FBXO34: variants seen among roughly 807,000 people sequenced by gnomAD.
The protein encoded by FBXO34 is F-box only protein 34.
In FBXO34, 12 loss-of-function variants were observed where a neutral mutation model predicts 24.5. The observed-to-expected ratio is 0.49, with a 90% CI of 0.31 to 0.79. The LOEUF is 0.79. Ranked by LOEUF, FBXO34 falls within the 30% of genes least tolerant of loss-of-function variation. FBXO34 has a pLI of 0.04. For missense variants in FBXO34, 823 were observed against 857.7 expected (o/e 0.96, Z 0.51); for synonymous variants, 320 against 311.9 (o/e 1.03, Z -0.27).
the FBXO34 span, chr14:55,380,468 G>T: frequency 1.4e-6 from 1 of 728,716 alleles, no homozygotes; most frequent in South Asian, 1.9e-5. Context: ...TCTCTGTCTT[G>T]GTAATACTTA....
At chr14:55,380,875 A>ATATATATATATTTTT in the FBXO34 span, among the ~76,000 whole-genome samples, 2 of 112,702 alleles carry the variant, frequency 1.8e-5, no homozygotes, top group Non-Finnish European at 3.5e-5. Context: ...ATATATATAT[A>ATATATATATATTTTT]TTTTTTTTTT....
chr14:55,312,490 T>G (rs1415032410), intron 1 of FBXO34, among the ~76,000 whole-genome samples: 1 of 152,190 alleles, frequency 6.6e-6, no homozygotes, highest in Non-Finnish European at 1.5e-5. Context: ...AGACTCTGTG[T>G]GGGGGCTTCA....
At chr14:55,372,209 A>G (rs1884834673), downstream of FBXO34, among the ~76,000 whole-genome samples, 1 of 152,034 alleles carries the variant, frequency 6.6e-6, no homozygotes, top group Non-Finnish European at 1.5e-5. Context: ...TGGGGTCACC[A>G]GGGCTACCTG....
intron 1 of FBXO34, among the ~76,000 whole-genome samples, chr14:55,278,320 T>A (rs1307060220): frequency 6.6e-6 from 1 of 152,210 alleles, no homozygotes; most frequent in African/African-American, 2.4e-5. Context: ...GTTTCCTTTT[T>A]CAGTCCAAAG....
At chr14:55,333,827 G>A (rs1283480795) in intron 1 of FBXO34, among the ~76,000 whole-genome samples, 1 of 151,792 alleles carries the variant, frequency 6.6e-6, no homozygotes, top group African/African-American at 2.4e-5. Flanking sequence ...GGGACTTAGT[G>A]TCTGTATATT....
intron 1 of FBXO34, among the ~76,000 whole-genome samples, chr14:55,311,203 A>G (rs1239701407): frequency 6.6e-6 from 1 of 152,200 alleles, no homozygotes; most frequent in African/African-American, 2.4e-5. Flanking sequence ...GGCAGGAGGG[A>G]GAAGGAACAC....
the FBXO34 span, chr14:55,377,740 G>T: frequency 9.5e-7 from 1 of 1,052,754 alleles, no homozygotes. Context: ...TAGGGAACAC[G>T]ACTCTACTAT....
chr14:55,373,543 T>C (rs1221895988), downstream of FBXO34, among the ~76,000 whole-genome samples: 1 of 152,148 alleles, frequency 6.6e-6, no homozygotes, highest in Admixed American at 6.5e-5. Flanking sequence ...CACTGCAAAC[T>C]CCGCCTCCTG....
intron 1 of FBXO34, among the ~76,000 whole-genome samples, chr14:55,323,183 T>TC (rs1883206394): frequency 1.7e-3 from 7 of 4,020 alleles, no homozygotes; most frequent in Admixed American, 8.9e-3. Flanking sequence ...AGACTCTGTC[T>TC]CAAAAAAAAA....
At chr14:55,339,037 C>T (rs1036157656) in intron 1 of FBXO34, among the ~76,000 whole-genome samples, 1 of 152,036 alleles carries the variant, frequency 6.6e-6, no homozygotes, top group Admixed American at 6.5e-5. Flanking sequence ...TAGCATTATC[C>T]CTTTGGAGAG....
At chr14:55,344,560 T>G (rs1480230925) in intron 1 of FBXO34, among the ~76,000 whole-genome samples, 1 of 151,922 alleles carries the variant, frequency 6.6e-6, no homozygotes. Context: ...TTTTTTTTTT[T>G]TTTACTTTAA....
intron 1 of FBXO34, among the ~76,000 whole-genome samples, chr14:55,289,263 A>G (rs1263653388): frequency 1.3e-5 from 2 of 152,124 alleles, no homozygotes; most frequent in South Asian, 2.1e-4. Flanking sequence ...GAAGTATTTC[A>G]AAACCAAAAT....
chr14:55,315,292 A>G (rs940071338), intron 1 of FBXO34, among the ~76,000 whole-genome samples: 3 of 152,180 alleles, frequency 2.0e-5, no homozygotes, highest in African/African-American at 7.2e-5. Flanking sequence ...GTCCTTATTT[A>G]CTTTCAGGAA....
chr14:55,380,760 T>A, the FBXO34 span: 1 of 1,017,442 alleles, frequency 9.8e-7, no homozygotes. Flanking sequence ...TCCACGAGTT[T>A]ATCATTTATG....
At chr14:55,276,154 A>G (rs1490858872) in intron 1 of FBXO34, among the ~76,000 whole-genome samples, 2 of 152,206 alleles carry the variant, frequency 1.3e-5, no homozygotes, top group Admixed American at 1.3e-4. Context: ...AGGCATGCAT[A>G]TACCTTCTTT....
the FBXO34 span, chr14:55,435,863 G>T: frequency 3.8e-6 from 6 of 1,567,364 alleles, no homozygotes; most frequent in Non-Finnish European, 5.1e-6. Flanking sequence ...GTTATATTCT[G>T]CATTTTTTGC....
intron 1 of FBXO34, among the ~76,000 whole-genome samples, chr14:55,323,766 A>T (rs1286665086): frequency 1.3e-5 from 2 of 151,974 alleles, no homozygotes; most frequent in Non-Finnish European, 2.9e-5. Context: ...TGCATTTCCC[A>T]TTTACTTGAT....
In FBXO34 at chr14:55,353,287, T is replaced by G. The variant is rs1010141302; in HGVS notation, c.*761T>G. On this transcript the variant is annotated 3_prime_UTR_variant, in exon 2 of 2. Coordinates refer to ENST00000313833, the MANE Select transcript of FBXO34 (RefSeq NM_017943.4). Reference sequence around the variant, plus strand: ...GGCTATAATTTTGTGTTTTTTTTTTTTAATTGTCTAGTCTTAAATTTGTAC... The same window carrying G: ...GGCTATAATTTTGTGTTTTTTTTTTGTAATTGTCTAGTCTTAAATTTGTAC... 6.0e-6 allele frequency: 1 copy of G among 166,924 alleles called. No homozygotes were observed. The highest frequency in any genetic ancestry group is 1.5e-5 in the Non-Finnish European group (1 of 68,062). 10.3% of individuals were successfully genotyped at this position (166,924 alleles called of 1,614,324 possible). A position where few individuals can be genotyped will look rare whatever the true frequency, so the allele number is the denominator to read the frequency against.
intron 1 of FBXO34, among the ~76,000 whole-genome samples, chr14:55,273,398 A>G (rs1423867157): frequency 2.0e-5 from 3 of 152,316 alleles, no homozygotes; most frequent in East Asian, 1.9e-4. Flanking sequence ...GATCCTCACC[A>G]CAACCTTGGG....
Sources: allele counts gnomAD v4.1 joint callset (sites outside exome capture counted in the v4.1 genomes callset), GRCh38; gene constraint gnomAD v4.1.1; transcripts MANE v1.5; gene names NCBI Gene and HGNC (gene_info 2026-07-23, HGNC 2026-07-21).